Variants in NEIL3 observed in about 807,000 individuals in gnomAD.
The protein encoded by NEIL3 is nei like DNA glycosylase 3, also known as endonuclease 8-like 3.
Under a neutral mutation model 57.5 loss-of-function variants are expected in NEIL3, and 48 were observed. That is an observed-to-expected ratio of 0.83 (90% CI 0.66 to 1.06). NEIL3 has a LOEUF of 1.06. Ranked by LOEUF, NEIL3 falls within the 50% of genes least tolerant of loss-of-function variation. NEIL3 has a pLI of 0.00. For missense variants in NEIL3, 717 were observed against 739.1 expected, an observed-to-expected ratio of 0.97 and a Z score of 0.35; for synonymous variants, 261 against 253.2, an observed-to-expected ratio of 1.03 and a Z score of -0.29.
In NEIL3 at chr4:177,309,943, C is replaced by T. The variant is rs1274794939; in HGVS notation, c.-11C>T. ...CCCTGCAATCGGTGGGCCACAGTGC[C>T]GGCCACAGAGATGGTGGAAGGACCA... On this transcript the variant is annotated 5_prime_UTR_variant, in exon 1 of 10. Transcript: ENST00000264596. 6.2e-7 allele frequency: 1 copy of T among 1,605,026 alleles called. No homozygotes were observed. The highest frequency in any genetic ancestry group is 1.1e-5 in the South Asian group (1 of 90,072).
chr4:177,342,382 C>T (rs1735112683), intron 6 of NEIL3, among the ~76,000 whole-genome samples: 1 of 152,012 alleles, frequency 6.6e-6, no homozygotes, highest in Admixed American at 6.6e-5. Flanking sequence ...AAAGCAGCTG[C>T]ATAGCAGTAT....
intron 4 of NEIL3, among the ~76,000 whole-genome samples, chr4:177,338,456 T>C (rs1735020364): frequency 6.6e-6 from 1 of 152,142 alleles, no homozygotes; most frequent in South Asian, 2.1e-4. Flanking sequence ...ATCTCACAAA[T>C]ACTATATTTT....
rs551279245 is a variant in NEIL3, at chr4:177,344,401, CT to C, written c.869+2760del. 1.4e-4 allele frequency among the ~76,000 whole-genome samples: 21 copies of C among 152,186 alleles called. 1 individual carries two copies. In the East Asian group the frequency reaches 4.0e-3, roughly 29 times the overall value. On this transcript the variant is annotated intron_variant, in intron 6 of 9. Coordinates refer to ENST00000264596, the MANE Select transcript of NEIL3 (RefSeq NM_018248.3). ...TAATGTAAAGTCATTTCAAGTTAAG[CT>C]GAAGAAGTCTGAAAAGGCCACTACC... is the stretch of plus-strand genomic sequence containing the variant.
At chr4:177,339,998 G>A (rs1403464386) in intron 5 of NEIL3, 141 bp downstream of exon 5, 7 of 620,858 alleles carry the variant, frequency 1.1e-5, no homozygotes, top group African/African-American at 1.8e-5. Context: ...GACATTATGT[G>A]GGTGTAATTA....
Position 177,310,049 on chromosome 4 carries a change from G to A in NEIL3, c.96G>A (p.Leu32=). The A allele has an allele frequency of 6.2e-7, 1 of 1,608,958 alleles. No homozygotes were observed. The highest frequency in any genetic ancestry group is 8.5e-7 in the Non-Finnish European group (1 of 1,178,382). The change falls in exon 1 of 10, where the codon CTG becomes CTA. Residue 32 remains leucine, a synonymous_variant. Transcript: ENST00000264596. ...QAVTGVRGSA[L]RSLQGRALRL... The stretch of plus-strand genomic sequence containing the variant: ...TGACCGGCGTGCGGGGAAGCGCTCT[G>A]CGGAGTCTGCAGGGCCGCGCCTTGC...
the NEIL3 span, among the ~76,000 whole-genome samples, chr4:177,369,933 G>A: frequency 6.6e-6 from 1 of 152,146 alleles, no homozygotes; most frequent in African/African-American, 2.4e-5. Context: ...CCCTGCTACT[G>A]TTATGTGTCA....
rs752120186 is a variant in NEIL3 at position 177,336,282 on chromosome 4, T to C, written c.588T>C (p.Asn196=). 19 of 1,614,066 alleles carry C rather than the reference T, an allele frequency of 1.2e-5. No individual in the cohort carries two copies. The highest frequency in any genetic ancestry group is 1.5e-5 in the Non-Finnish European group (18 of 1,180,038). The change falls in exon 4 of 10, where the codon AAT becomes AAC. Residue 196 remains asparagine, a synonymous_variant. Coordinates refer to ENST00000264596, the MANE Select transcript of NEIL3 (RefSeq NM_018248.3). ...VLPGVGNIIK[N]EALFDSGLHP... ...CTGGAGTAGGGAACATCATCAAAAA[T>C]GAAGCTCTCTTTGACAGTGGTCTCC... is the stretch of plus-strand genomic sequence containing the variant.
chr4:177,322,449 T>G lies in NEIL3; in HGVS notation c.157-10T>G. 1.2e-6 allele frequency: 2 copies of G among 1,613,924 alleles called. No individual in the cohort carries two copies. The highest frequency in any genetic ancestry group is 1.7e-6 in the Non-Finnish European group (2 of 1,179,820). On this transcript the variant is annotated splice_polypyrimidine_tract_variant and intron_variant, in intron 1 of 9. Transcript: ENST00000264596. ...TGTGTGCTTATGTGTGTACATGTAT[T>G]TTCCACTAGGCTGCTGCACTGAATA... is the stretch of plus-strand genomic sequence containing the variant.
In NEIL3 at chr4:177,341,479, C is replaced by G; in HGVS notation, c.706C>G (p.Arg236Gly). ...RDFSILFYRC[R>G]KAGLALSKHY... ...TTTTGGTTTTTTTTTTTTTTAGTGC[C>G]GTAAAGCAGGACTTGCTCTCTCTAA... The change falls in exon 6 of 10, where the codon CGT (arginine) becomes GGT (glycine). Residue 236 changes from arginine to glycine, a missense_variant. Arg to Gly is a moderately radical substitution (Grantham distance 125). Coordinates refer to ENST00000264596, the MANE Select transcript of NEIL3 (RefSeq NM_018248.3). The G allele has an allele frequency of 6.4e-7, 1 of 1,555,662 alleles. No individual in the cohort carries two copies. Among genetic ancestry groups the G allele is most frequent in the South Asian group, 1.2e-5 (1 of 81,716 alleles).
chr4:177,323,219 G>A (rs910405860), intron 2 of NEIL3, among the ~76,000 whole-genome samples: 3 of 152,092 alleles, frequency 2.0e-5, no homozygotes, highest in Non-Finnish European at 4.4e-5. Context: ...AAATGAAAGC[G>A]GCCTTTGAGT....
chr4:177,315,025 C>G (rs1416506403), intron 1 of NEIL3, among the ~76,000 whole-genome samples: 1 of 146,782 alleles, frequency 6.8e-6, no homozygotes, highest in Non-Finnish European at 1.5e-5. Flanking sequence ...GCCGAGATCG[C>G]GCCACTGCAC....
intron 4 of NEIL3, 110 bp from the exon 5 acceptor site, chr4:177,339,673 G>A: frequency 1.4e-6 from 1 of 721,844 alleles, no homozygotes; most frequent in Non-Finnish European, 2.4e-6. Flanking sequence ...AAGGTCAGCT[G>A]TATTCAAAAT....
At chr4:177,328,046 G>T (rs1202959513) in intron 2 of NEIL3, among the ~76,000 whole-genome samples, 1 of 152,152 alleles carries the variant, frequency 6.6e-6, no homozygotes, top group African/African-American at 2.4e-5. Context: ...TGGTATTAGG[G>T]TAATGATGGC....
At chr4:177,332,973 G>A (rs1240338661) in intron 2 of NEIL3, among the ~76,000 whole-genome samples, 5 of 151,972 alleles carry the variant, frequency 3.3e-5, no homozygotes, top group Non-Finnish European at 4.4e-5. Context: ...TTGTTGGAGC[G>A]GTAGCTATGT....
chr4:177,337,407 C>A (rs1161784469), intron 4 of NEIL3, among the ~76,000 whole-genome samples: 1 of 151,494 alleles, frequency 6.6e-6, no homozygotes, highest in Non-Finnish European at 1.5e-5. Flanking sequence ...TTTAGTAATA[C>A]CCAAATCAGT....
intron 2 of NEIL3, among the ~76,000 whole-genome samples, chr4:177,327,342 T>C (rs1211789029): frequency 1.3e-5 from 2 of 152,236 alleles, no homozygotes; most frequent in Non-Finnish European, 2.9e-5. Flanking sequence ...TGTATACTTT[T>C]AGTATTTTCT....
chr4:177,322,022 T>G (rs966353645), intron 1 of NEIL3, among the ~76,000 whole-genome samples: 8 of 152,242 alleles, frequency 5.3e-5, no homozygotes, highest in Non-Finnish European at 1.2e-4. Context: ...TAAAAATATT[T>G]TGTTTTCATA....
At chr4:177,337,971 A>T in intron 4 of NEIL3, among the ~76,000 whole-genome samples, 1 of 152,130 alleles carries the variant, frequency 6.6e-6, no homozygotes, top group East Asian at 1.9e-4. Flanking sequence ...GTGAGCAGAG[A>T]TCACGCCACT....
intron 4 of NEIL3, 95 bp downstream of exon 4, chr4:177,336,416 T>G (rs558459869): frequency 1.1e-6 from 1 of 916,400 alleles, no homozygotes; most frequent in African/African-American, 1.8e-5. Context: ...AGTAACACAG[T>G]CTCATCAGAC....
Sources: allele counts gnomAD v4.1 joint callset (sites outside exome capture counted in the v4.1 genomes callset), GRCh38; gene constraint gnomAD v4.1.1; transcripts MANE v1.5; gene names NCBI Gene and HGNC (gene_info 2026-07-23, HGNC 2026-07-21).